The following ABCA8 variants were observed in gnomAD, a reference collection of about 807,000 sequenced individuals.
ABCA8 encodes the protein ABC-type organic anion transporter ABCA8.
In ABCA8, 177 loss-of-function variants were observed where a neutral mutation model predicts 192.3. The ratio of observed to expected loss-of-function variants is 0.92; its 90% CI spans 0.81 to 1.04. The LOEUF is 1.04. ABCA8 is among the 50% of genes least tolerant of loss of function. The pLI, the probability that ABCA8 is intolerant of heterozygous loss-of-function variation, is 0.00. For synonymous variants in ABCA8, 642 were observed against 690.2 expected (o/e 0.93, Z 1.09); for missense variants, 1,915 against 1,904.8 (o/e 1.01, Z -0.10).
chr17:68,923,904 G>C (rs2067616443), intron 11 of ABCA8, among the ~76,000 whole-genome samples: 1 of 152,028 alleles, frequency 6.6e-6, no homozygotes, highest in Non-Finnish European at 1.5e-5. Context: ...AAACAAAATG[G>C]ACATTTTGTT....
chr17:68,922,152 G>C (rs1272081364), intron 12 of ABCA8, 90 bp downstream of exon 12: 1 of 834,894 alleles, frequency 1.2e-6, no homozygotes, highest in African/African-American at 1.9e-5. Flanking sequence ...ATTAAAATCA[G>C]GAAATCAATA....
chr17:68,868,922 G>A (rs540677496), intron 38 of ABCA8, among the ~76,000 whole-genome samples: 104 of 152,226 alleles, frequency 6.8e-4, no homozygotes, highest in African/African-American at 2.5e-3. Context: ...CCAACCTGGA[G>A]AGTGCTGTGA....
Position 68,916,847 on chromosome 17 carries a change from T to C in ABCA8, c.2138+514A>G, listed in dbSNP as rs149045046. On this transcript the variant is annotated intron_variant, in intron 17 of 39. Coordinates refer to ENST00000586539, the MANE Select transcript of ABCA8 (RefSeq NM_001288985.2). Reference sequence around the variant, plus strand: ...GTTGCAGATATATATTTTTTAGTCATATTTATCTAAACTTTTGTTGTTATA... The same window carrying C: ...GTTGCAGATATATATTTTTTAGTCACATTTATCTAAACTTTTGTTGTTATA... Among the ~76,000 whole-genome samples, 270 of 152,360 alleles carry C rather than the reference T, an allele frequency of 1.8e-3. 1 individual carries two copies. Among genetic ancestry groups the C allele is most frequent in the African/African-American group, 6.4e-3 (267 of 41,586 alleles).
chr17:68,915,263 G>A (rs1394212668), intron 17 of ABCA8, among the ~76,000 whole-genome samples: 2 of 151,986 alleles, frequency 1.3e-5, no homozygotes, highest in Non-Finnish European at 2.9e-5. Flanking sequence ...GGTGACTAAA[G>A]CTAAAATGGA....
intron 21 of ABCA8, among the ~76,000 whole-genome samples, chr17:68,896,428 C>A (rs750952243): frequency 2.0e-5 from 3 of 152,174 alleles, no homozygotes; most frequent in Non-Finnish European, 2.9e-5. Context: ...TAGTCCACTG[C>A]ATCTCTAAAA....
Position 68,927,798 on chromosome 17 carries a change from C to A in ABCA8, c.1273+118G>T, listed in dbSNP as rs146874973. The A allele has an allele frequency of 2.4e-3, 1,914 of 792,374 alleles. 39 individuals are homozygous for A. In the Admixed American group the frequency reaches 0.03, roughly 12 times the overall value. The allele number at this position is 792,374 out of a possible 1,614,324, so 49.1% of individuals were successfully genotyped here. A position where few individuals can be genotyped will look rare whatever the true frequency, so the allele number is the denominator to read the frequency against. ...CCAGTAGCGACGACTTTGTTCCTCT[C>A]TTTGCTGTTGATACACAAAATAGTT... On this transcript the variant is annotated intron_variant, in intron 10 of 39. Transcript: ENST00000586539.
rs762845869 is a variant in ABCA8, at chr17:68,868,285, C to T, written c.4767+16G>A. 9.3e-6 allele frequency: 15 copies of T among 1,612,996 alleles called. No individual in the cohort carries two copies. In the South Asian group the frequency reaches 1.6e-4, roughly 18 times the overall value. ...ACATATACCATGGATGATACGAATC[C>T]CTAAAAATGACCCACCTGCTCCAGG... is the stretch of plus-strand genomic sequence containing the variant. On this transcript the variant is annotated intron_variant, in intron 39 of 39. Coordinates refer to ENST00000586539, the MANE Select transcript of ABCA8 (RefSeq NM_001288985.2).
At chr17:68,952,631 T>C (rs546684380) in intron 1 of ABCA8, among the ~76,000 whole-genome samples, 8 of 152,332 alleles carry the variant, frequency 5.3e-5, no homozygotes, top group Non-Finnish European at 8.8e-5. Context: ...AAATTCCTCC[T>C]GTACAGGGCT....
At chr17:68,870,892 T>C (rs1472515282) in intron 37 of ABCA8, among the ~76,000 whole-genome samples, 1 of 152,192 alleles carries the variant, frequency 6.6e-6, no homozygotes, top group South Asian at 2.1e-4. Context: ...AAGATAGTTC[T>C]ATTTTTGATA....
chr17:68,884,217 G>T, intron 28 of ABCA8, 114 bp downstream of exon 28: 2 of 989,544 alleles, frequency 2.0e-6, no homozygotes, highest in East Asian at 3.0e-5. Flanking sequence ...ATCTCCTTGG[G>T]CTATAGATAC....
intron 33 of ABCA8, 136 bp from the exon 34 acceptor site, chr17:68,876,839 G>T: frequency 4.1e-6 from 4 of 984,332 alleles, no homozygotes; most frequent in Non-Finnish European, 4.5e-6. Flanking sequence ...AGGGAAGGAG[G>T]GGTGATATTA....
intron 20 of ABCA8, 121 bp downstream of exon 20, chr17:68,903,180 C>A: frequency 9.4e-7 from 1 of 1,059,196 alleles, no homozygotes; most frequent in Non-Finnish European, 1.4e-6. Context: ...CACTGTGATG[C>A]TTTCCCTTTC....
Position 68,894,874 on chromosome 17 carries a change from G to A in ABCA8, c.2898+6C>T. ...TTTTCAGAAAGATTATTAGAGACCTGCATACCTTTTCATTACAACACACTG... is the reference window on the plus strand; with the variant it reads ...TTTTCAGAAAGATTATTAGAGACCTACATACCTTTTCATTACAACACACTG... On this transcript the variant is annotated splice_donor_region_variant and intron_variant, in intron 22 of 39. Transcript: ENST00000586539. 1.9e-6 allele frequency: 3 copies of A among 1,610,838 alleles called. No homozygotes were observed. Among genetic ancestry groups the A allele is most frequent in the Non-Finnish European group, 2.5e-6 (3 of 1,178,730 alleles).
chr17:68,922,541 C>T (rs963785615), intron 11 of ABCA8, among the ~76,000 whole-genome samples: 9 of 151,878 alleles, frequency 5.9e-5, no homozygotes, highest in African/African-American at 1.5e-4. Context: ...GTGATTGGGA[C>T]CCATAAGCAA....
At chr17:68,903,236 T>A (rs1453481507) in intron 20 of ABCA8, 65 bp downstream of exon 20, 2 of 1,558,802 alleles carry the variant, frequency 1.3e-6, no homozygotes, top group Non-Finnish European at 1.8e-6. Flanking sequence ...CTTGCCTTTA[T>A]ACCTTAGATT....
chr17:68,931,785 T>TTTTTTTC (rs1276844094), intron 7 of ABCA8: 3 of 141,170 alleles, frequency 2.1e-5, no homozygotes, highest in Non-Finnish European at 4.5e-5. Context: ...TTTTTTTTTT[T>TTTTTTTC]TGTCCATCAC....
At chr17:68,925,699 T>C (rs2067679627) in intron 10 of ABCA8, among the ~76,000 whole-genome samples, 1 of 152,230 alleles carries the variant, frequency 6.6e-6, no homozygotes, top group Admixed American at 6.5e-5. Flanking sequence ...TGCCACATGG[T>C]ATGTTGTTAG....
intron 21 of ABCA8, among the ~76,000 whole-genome samples, chr17:68,901,051 A>C (rs12452031): frequency 2.0e-5 from 3 of 152,000 alleles, no homozygotes; most frequent in Non-Finnish European, 2.9e-5. Context: ...TGTTTACAGT[A>C]TGAGAGCTAA....
In ABCA8 at chr17:68,933,275, T is replaced by A; in HGVS notation, c.467-4A>T. On this transcript the variant is annotated splice_region_variant and splice_polypyrimidine_tract_variant and intron_variant, in intron 5 of 39. Transcript: ENST00000586539. ...TCATTTGTTTCATAACAATGAGCTTTGTGAAAAAACAAATCATAACTATCA... is the reference window on the plus strand; with the variant it reads ...TCATTTGTTTCATAACAATGAGCTTAGTGAAAAAACAAATCATAACTATCA... 1 of 1,578,184 alleles carries A rather than the reference T, an allele frequency of 6.3e-7. No individual in the cohort carries two copies. Among genetic ancestry groups the A allele is most frequent in the Non-Finnish European group, 8.7e-7 (1 of 1,151,210 alleles).
Sources: gnomAD v4.1 joint callset for allele counts (sites outside exome capture counted in the v4.1 genomes callset) on GRCh38, gnomAD v4.1.1 for gene constraint, MANE v1.5 for transcripts, NCBI Gene and HGNC (gene_info 2026-07-23, HGNC 2026-07-21) for gene names.